SYNJ2: variants seen among roughly 807,000 people sequenced by gnomAD.
SYNJ2 encodes synaptojanin 2.
A neutral mutation model predicts 141.3 loss-of-function variants in SYNJ2; 116 were observed. The ratio of observed to expected loss-of-function variants is 0.82; its 90% CI spans 0.71 to 0.96. The LOEUF (loss-of-function observed/expected upper bound fraction) is 0.96. SYNJ2 is among the 40% of genes least tolerant of loss of function. The pLI, the probability that SYNJ2 is intolerant of heterozygous loss-of-function variation, is 0.00. For missense variants in SYNJ2, 1,873 were observed against 1,934.8 expected (o/e 0.97, Z 0.60); for synonymous variants, 745 against 777.7 (o/e 0.96, Z 0.70).
At chr6:158,031,620 G>T (rs1039611117) in intron 3 of SYNJ2, among the ~76,000 whole-genome samples, 3 of 151,658 alleles carry the variant, frequency 2.0e-5, no homozygotes, top group African/African-American at 4.9e-5. Context: ...GTGGCGCAGC[G>T]TGAGGTCTGG....
chr6:158,053,137 C>T (rs1434828105), intron 5 of SYNJ2, among the ~76,000 whole-genome samples: 1 of 152,174 alleles, frequency 6.6e-6, no homozygotes, highest in Admixed American at 6.5e-5. Flanking sequence ...GTATGGATCC[C>T]TGACCAGAAT....
At position 158,012,327 on chromosome 6, in the gene SYNJ2, A is replaced by C. The variant is rs569832938; in HGVS notation, c.128-4877A>C. Among the ~76,000 whole-genome samples, 30 of 152,310 alleles carry C rather than the reference A, an allele frequency of 2.0e-4. No homozygotes were observed. The South Asian group carries it at 6.2e-3, about 32-fold the overall frequency. On this transcript the variant is annotated intron_variant, in intron 1 of 26. Transcript: ENST00000355585. ...CAGATGTGATCAGGACCTTGAGAGG[A>C]GACATTATCCTGGATGATCTGGATG...
At chr6:158,038,427 A>T (rs1234651255) in intron 4 of SYNJ2, among the ~76,000 whole-genome samples, 2 of 152,174 alleles carry the variant, frequency 1.3e-5, no homozygotes, top group Non-Finnish European at 2.9e-5. Context: ...ACCCATGGTG[A>T]CTTCGTTAAC....
chr6:158,098,703 T>G lies in SYNJ2; in HGVS notation c.*2339T>G, dbSNP rs996166537. 1 of 152,204 alleles carries G rather than the reference T, an allele frequency of 6.6e-6. No individual in the cohort carries two copies. Among genetic ancestry groups the G allele is most frequent in the African/African-American group, 2.4e-5 (1 of 41,448 alleles). The allele number at this position is 152,204 out of a possible 1,614,324, so 9.4% of individuals were successfully genotyped here. A position where few individuals can be genotyped will look rare whatever the true frequency, so the allele number is the denominator to read the frequency against. ...CTGTGGTTTTTTAAATGTTTCGTCT[T>G]TGATGCTACCATCCAGGGCTTCTTA... On this transcript the variant is annotated 3_prime_UTR_variant, in exon 27 of 27. Coordinates refer to ENST00000355585, the MANE Select transcript of SYNJ2 (RefSeq NM_003898.4).
chr6:158,097,200 C>T lies in SYNJ2; in HGVS notation c.*836C>T, dbSNP rs1017045065. On this transcript the variant is annotated 3_prime_UTR_variant, in exon 27 of 27. Coordinates refer to ENST00000355585, the MANE Select transcript of SYNJ2 (RefSeq NM_003898.4). ...TCCATGCATACCACATAAAAGCACACAGTGCGAAAACTCTTGCTGATACGC... is the reference window on the plus strand; with the variant it reads ...TCCATGCATACCACATAAAAGCACATAGTGCGAAAACTCTTGCTGATACGC... 6.6e-6 allele frequency: 1 copy of T among 152,232 alleles called. No homozygotes were observed. The highest frequency in any genetic ancestry group is 2.4e-5 in the African/African-American group (1 of 41,460). The allele number at this position is 152,232 out of a possible 1,614,324, so 9.4% of individuals were successfully genotyped here.
At position 158,040,550 on chromosome 6, in the gene SYNJ2, G is replaced by A. The variant is rs556660990; in HGVS notation, c.712-2766G>A. 1.3e-5 allele frequency among the ~76,000 whole-genome samples: 2 copies of A among 151,938 alleles called. No homozygotes were observed. Among genetic ancestry groups the A allele is most frequent in the East Asian group, 3.9e-4 (2 of 5,180 alleles). On this transcript the variant is annotated intron_variant, in intron 4 of 26. Coordinates refer to ENST00000355585, the MANE Select transcript of SYNJ2 (RefSeq NM_003898.4). This position sits in a 1 kb window ranked among gnomAD's most constrained non-coding sequence, Gnocchi z 4.2. ...CAGTCTATTAAAAAAAAAAAAGGAT[G>A]TAAGATAAATATTTGGCTATTCAAG...
rs1168589820 is a variant in SYNJ2 at position 158,083,557 on chromosome 6, G to A, written c.2994G>A (p.Glu998=). ...CCACTGCCAACTCCTGTTTGCTGGA[G>A]GAAAACTTTGACTTCACAAGTTTGG... is the stretch of plus-strand genomic sequence containing the variant. ...VSPTANSCLL[E]ENFDFTSLDY... Residue 998 remains glutamate (E), a synonymous_variant, in exon 21 of 27, where the codon GAG becomes GAA. Coordinates refer to ENST00000355585, the MANE Select transcript of SYNJ2 (RefSeq NM_003898.4). The A allele has an allele frequency of 1.9e-6, 3 of 1,614,034 alleles. No homozygotes were observed. Among genetic ancestry groups the A allele is most frequent in the East Asian group, 2.2e-5 (1 of 44,882 alleles).
chr6:158,060,781 TCCC>T (rs1473441198), intron 7 of SYNJ2, among the ~76,000 whole-genome samples: 1 of 152,194 alleles, frequency 6.6e-6, no homozygotes, highest in African/African-American at 2.4e-5. Flanking sequence ...TTGTGGCCCC[TCCC>T]ATCAGTGGGT....
chr6:158,028,585 G>C (rs1437847256), intron 2 of SYNJ2, 171 bp from the exon 3 acceptor site: 1 of 820,186 alleles, frequency 1.2e-6, no homozygotes, highest in Non-Finnish European at 1.9e-6. Flanking sequence ...GAAGCTTACA[G>C]GACAGGGCAG....
At chr6:158,067,379 C>G in intron 12 of SYNJ2, 1 of 963,052 alleles carries the variant, frequency 1.0e-6, no homozygotes, top group Non-Finnish European at 1.2e-6. Flanking sequence ...CAAACCAACT[C>G]TATTAATCTG....
At chr6:157,981,835 T>C (rs1777022040), upstream of SYNJ2, 2 of 871,254 alleles carry the variant, frequency 2.3e-6, no homozygotes, top group Non-Finnish European at 3.0e-6. This position sits in a 1 kb window ranked among gnomAD's most constrained non-coding sequence, Gnocchi z 6.4. Context: ...GGGAGGAGCC[T>C]GGCGCGGCGG....
chr6:158,094,394 C>CAAAA (rs532980446), intron 26 of SYNJ2, among the ~76,000 whole-genome samples: 61 of 72,932 alleles, frequency 8.4e-4, no homozygotes, highest in African/African-American at 2.6e-3. Context: ...TACGGCTGGG[C>CAAAA]AAAAAAAAAA....
In SYNJ2 at chr6:157,982,227, G is replaced by A; in HGVS notation, c.127+139G>A. ...CGGGGCGTAGGGGTCGCGCGCAGAGGGGTGGCTGTTTGAATGAAGTGGGGC... is the reference window on the plus strand; with the variant it reads ...CGGGGCGTAGGGGTCGCGCGCAGAGAGGTGGCTGTTTGAATGAAGTGGGGC... On this transcript the variant is annotated intron_variant, in intron 1 of 26. Coordinates refer to ENST00000355585, the MANE Select transcript of SYNJ2 (RefSeq NM_003898.4). The surrounding 1 kb of genome is among the most constrained non-coding windows in gnomAD (Gnocchi z 4.0). 1 of 1,149,544 alleles carries A rather than the reference G, an allele frequency of 8.7e-7. No homozygotes were observed. The highest frequency in any genetic ancestry group is 1.1e-6 in the Non-Finnish European group (1 of 908,996). 71.2% of individuals were successfully genotyped at this position (1,149,544 alleles called of 1,614,324 possible).
rs568222551 is a variant in SYNJ2, at chr6:158,088,034, A to ATTTTTTTTTTTT, written c.3344-593_3344-582dup. ...TAACAGTTTATTCCCCTGCTTTGGA[A>ATTTTTTTTTTTT]TTTTTTTTTTTTTTTTTTTTTTTTT... On this transcript the variant is annotated intron_variant, in intron 23 of 26. Transcript: ENST00000355585. Among the ~76,000 whole-genome samples the ATTTTTTTTTTTT allele has an allele frequency of 1.6e-4, 5 of 31,918 alleles. 1 individual carries two copies. The highest frequency in any genetic ancestry group is 2.1e-4 in the Non-Finnish European group (3 of 14,602). The allele number at this position is 31,918 out of a possible 152,430, so 20.9% of individuals were successfully genotyped here. A position where few individuals can be genotyped will look rare whatever the true frequency, so the allele number is the denominator to read the frequency against.
chr6:158,028,487 G>A, intron 2 of SYNJ2: 1 of 512,742 alleles, frequency 2.0e-6, no homozygotes, highest in African/African-American at 1.9e-5. Flanking sequence ...GCCTCAGGCA[G>A]CTGGGCGGCA....
rs144274919 is a variant in SYNJ2 at position 157,983,971 on chromosome 6, G to A, written c.127+1883G>A. On this transcript the variant is annotated intron_variant, in intron 1 of 26. Coordinates refer to ENST00000355585, the MANE Select transcript of SYNJ2 (RefSeq NM_003898.4). Reference sequence around the variant, plus strand: ...GCCTCCTGAGTAGCTGGGACTATAGGCACATGCCACCATGCCTGGCTAATT... The same window carrying A: ...GCCTCCTGAGTAGCTGGGACTATAGACACATGCCACCATGCCTGGCTAATT... 6.8e-3 allele frequency among the ~76,000 whole-genome samples: 1,039 copies of A among 152,130 alleles called. 5 individuals are homozygous for A. The highest frequency in any genetic ancestry group is 1.0e-2 in the Non-Finnish European group (678 of 68,002).
intron 1 of SYNJ2, among the ~76,000 whole-genome samples, chr6:158,007,266 C>A (rs966009743): frequency 6.6e-6 from 1 of 152,238 alleles, no homozygotes; most frequent in Non-Finnish European, 1.5e-5. Context: ...CCACACCCGG[C>A]CCCATGATTG....
intron 1 of SYNJ2, among the ~76,000 whole-genome samples, chr6:157,995,356 T>C (rs1777599663): frequency 1.3e-5 from 2 of 152,128 alleles, no homozygotes; most frequent in Non-Finnish European, 2.9e-5. Context: ...GGGGTGCTCC[T>C]ATTAAAAAAA....
At chr6:158,046,976 G>A (rs529359279) in intron 5 of SYNJ2, among the ~76,000 whole-genome samples, 9 of 152,192 alleles carry the variant, frequency 5.9e-5, no homozygotes, top group Non-Finnish European at 8.8e-5. Flanking sequence ...TGAACCAAAC[G>A]GAGGAGGATG....
Sources: gnomAD v4.1 joint callset for allele counts (sites outside exome capture counted in the v4.1 genomes callset) on GRCh38, gnomAD v4.1.1 for gene constraint, Gnocchi (gnomAD v3.1) non-coding constraint, MANE v1.5 for transcripts, NCBI Gene and HGNC (gene_info 2026-07-23, HGNC 2026-07-21) for gene names.